The following CNTLN variants were observed in gnomAD, a reference collection of about 807,000 sequenced individuals.
The protein encoded by CNTLN is centlein, also known as centlein, centrosomal protein.
A neutral mutation model predicts 180.0 loss-of-function variants in CNTLN; 212 were observed. That is an observed-to-expected ratio of 1.18 (90% CI 1.05 to 1.32). CNTLN has a LOEUF of 1.32. Among genes scored for constraint, CNTLN ranks in the 40% most tolerant of loss-of-function variants. CNTLN has a pLI of 0.00. For synonymous variants in CNTLN, 722 were observed against 563.1 expected (o/e 1.28, Z -3.99); for missense variants, 2,095 against 1,610.9 (o/e 1.30, Z -5.14).
At chr9:17,213,011 A>T (rs1172567753) in intron 2 of CNTLN, among the ~76,000 whole-genome samples, 1 of 152,048 alleles carries the variant, frequency 6.6e-6, no homozygotes. Context: ...ACCAGCTGCT[A>T]GATTCATTGA....
At chr9:17,417,344 T>C (rs535304328) in intron 18 of CNTLN, among the ~76,000 whole-genome samples, 2 of 152,278 alleles carry the variant, frequency 1.3e-5, no homozygotes, top group Admixed American at 1.3e-4. Context: ...CCTTTCTTTC[T>C]TCTCTAGTTA....
chr9:17,486,384 C>A (rs1207290112), intron 24 of CNTLN, among the ~76,000 whole-genome samples: 1 of 151,998 alleles, frequency 6.6e-6, no homozygotes, highest in Admixed American at 6.6e-5. Context: ...TCAAGTGAAT[C>A]ATCAACTGTA....
At chr9:17,206,149 T>C (rs1822906085) in intron 2 of CNTLN, among the ~76,000 whole-genome samples, 1 of 152,138 alleles carries the variant, frequency 6.6e-6, no homozygotes, top group Admixed American at 6.5e-5. Flanking sequence ...GAATCGTCCC[T>C]GCTAACATTT....
chr9:17,236,624 G>T, intron 5 of CNTLN, 36 bp downstream of exon 5: 2 of 1,518,218 alleles, frequency 1.3e-6, no homozygotes, highest in South Asian at 1.3e-5. Context: ...CTCCTCTTTT[G>T]GATCTAACTT....
At chr9:17,374,592 G>A (rs1240392737) in intron 13 of CNTLN, among the ~76,000 whole-genome samples, 1 of 152,124 alleles carries the variant, frequency 6.6e-6, no homozygotes, top group Non-Finnish European at 1.5e-5. Context: ...TGGGTGCAGT[G>A]GCTTATACCT....
chr9:17,176,588 G>A (rs1216255933), intron 2 of CNTLN, among the ~76,000 whole-genome samples: 1 of 152,286 alleles, frequency 6.6e-6, no homozygotes, highest in Non-Finnish European at 1.5e-5. Context: ...TCAGAGATAA[G>A]TAGCTTCATA....
At chr9:17,282,196 T>A (rs969956524) in intron 6 of CNTLN, among the ~76,000 whole-genome samples, 9 of 152,022 alleles carry the variant, frequency 5.9e-5, no homozygotes, top group African/African-American at 2.2e-4. Flanking sequence ...CTGTTGACCT[T>A]GTGATCTACC....
intron 2 of CNTLN, among the ~76,000 whole-genome samples, chr9:17,152,414 T>A (rs1431968899): frequency 1.3e-5 from 2 of 152,216 alleles, no homozygotes; most frequent in Non-Finnish European, 2.9e-5. Context: ...CATTTCGTTA[T>A]TTACCCAGTA....
intron 23 of CNTLN, among the ~76,000 whole-genome samples, 166 bp from the exon 24 acceptor site, chr9:17,484,129 G>A (rs546603028): frequency 7.9e-5 from 12 of 152,200 alleles, no homozygotes; most frequent in South Asian, 6.2e-4. Flanking sequence ...CTTTTATTGC[G>A]TGCTGACAAT....
intron 6 of CNTLN, among the ~76,000 whole-genome samples, chr9:17,282,915 T>G (rs894092355): frequency 6.6e-6 from 1 of 152,160 alleles, no homozygotes; most frequent in South Asian, 2.1e-4. Context: ...CGGTCTTATT[T>G]CTGAGATCTC....
At chr9:17,347,857 A>C (rs544658451) in intron 12 of CNTLN, among the ~76,000 whole-genome samples, 51 of 152,026 alleles carry the variant, frequency 3.4e-4, no homozygotes, top group Non-Finnish European at 6.0e-4. Flanking sequence ...TTTGAGACAG[A>C]GTCTCGCTCT....
chr9:17,154,877 A>T (rs117677248), intron 2 of CNTLN, among the ~76,000 whole-genome samples: 7,318 of 152,262 alleles, frequency 0.048, 230 homozygotes, highest in South Asian at 0.15. Context: ...GTCCCTTTCC[A>T]TACTGTGGAA....
chr9:17,298,257 C>T lies in CNTLN; in HGVS notation c.1051C>T (p.Leu351=). The part of the protein sequence containing the change: ...NSTHTAQQAE[L]IQQLQVLNMD... Reference sequence around the variant, plus strand: ...TACACATACAGCCCAGCAAGCAGAGCTGATCCAGCAGCTTCAGGTTCTCAA... The same window carrying T: ...TACACATACAGCCCAGCAAGCAGAGTTGATCCAGCAGCTTCAGGTTCTCAA... Residue 351 remains leucine, a synonymous_variant, in exon 7 of 26, where the codon CTG becomes TTG. Transcript: ENST00000380647. 6.2e-7 allele frequency: 1 copy of T among 1,613,088 alleles called. No homozygotes were observed. The highest frequency in any genetic ancestry group is 8.5e-7 in the Non-Finnish European group (1 of 1,179,652).
chr9:17,155,765 T>C (rs1819235923), intron 2 of CNTLN, among the ~76,000 whole-genome samples: 1 of 151,880 alleles, frequency 6.6e-6, no homozygotes, highest in Non-Finnish European at 1.5e-5. Flanking sequence ...GCTTGTGTTC[T>C]GGGCGCCAGT....
At chr9:17,237,015 A>G (rs1825187414) in intron 5 of CNTLN, among the ~76,000 whole-genome samples, 1 of 152,078 alleles carries the variant, frequency 6.6e-6, no homozygotes, top group Non-Finnish European at 1.5e-5. Flanking sequence ...ACGTGGTTCT[A>G]TGGTGGTGCT....
intron 19 of CNTLN, among the ~76,000 whole-genome samples, chr9:17,459,452 A>G (rs1831328016): frequency 6.6e-6 from 1 of 151,848 alleles, no homozygotes; most frequent in African/African-American, 2.4e-5. Context: ...AGGGACAAAA[A>G]GGATAAGTTT....
intron 2 of CNTLN, among the ~76,000 whole-genome samples, chr9:17,172,109 G>T (rs911732985): frequency 6.6e-6 from 1 of 152,160 alleles, no homozygotes; most frequent in East Asian, 1.9e-4. Flanking sequence ...AGGTTGCGGC[G>T]GGTGGCAGCT....
intron 7 of CNTLN, among the ~76,000 whole-genome samples, chr9:17,307,737 G>A (rs1455108033): frequency 6.6e-6 from 1 of 151,846 alleles, no homozygotes; most frequent in African/African-American, 2.4e-5. Flanking sequence ...AAAAAACGGA[G>A]GTAAACATGC....
intron 2 of CNTLN, among the ~76,000 whole-genome samples, chr9:17,155,559 T>C (rs1357506099): frequency 1.3e-5 from 2 of 152,332 alleles, no homozygotes; most frequent in African/African-American, 4.8e-5. Flanking sequence ...TTGTTTACAC[T>C]GTGGCCGTGA....
Sources: allele counts gnomAD v4.1 joint callset (sites outside exome capture counted in the v4.1 genomes callset), GRCh38; gene constraint gnomAD v4.1.1; transcripts MANE v1.5; gene names NCBI Gene and HGNC (gene_info 2026-07-23, HGNC 2026-07-21).